The following DAB2IP variants were observed in gnomAD, a reference collection of about 807,000 sequenced individuals.
DAB2IP encodes the protein disabled homolog 2-interacting protein.
DAB2IP carries 28 observed loss-of-function variants against 107.2 expected under a neutral mutation model. That is an observed-to-expected ratio of 0.26 (90% CI 0.19 to 0.36). The LOEUF is 0.36. DAB2IP is among the 10% of genes least tolerant of loss of function. The pLI, the probability that DAB2IP is intolerant of heterozygous loss-of-function variation, is 1.00. For missense variants in DAB2IP, 1,400 were observed against 1,644.7 expected, an observed-to-expected ratio of 0.85 and a Z score of 2.57; for synonymous variants, 755 against 706.4, an observed-to-expected ratio of 1.07 and a Z score of -1.09.
At chr9:121,678,042 T>C (rs1828360026) in intron 1 of DAB2IP, among the ~76,000 whole-genome samples, 1 of 152,220 alleles carries the variant, frequency 6.6e-6, no homozygotes, top group Non-Finnish European at 1.5e-5. Flanking sequence ...AAGTGTACAA[T>C]TCAGTGGCAT....
intron 1 of DAB2IP, among the ~76,000 whole-genome samples, chr9:121,661,880 T>C (rs1277508587): frequency 6.6e-6 from 1 of 151,804 alleles, no homozygotes; most frequent in Non-Finnish European, 1.5e-5. Context: ...GTTTAAAAGG[T>C]TGAGGGTGGA....
At chr9:121,600,951 C>G (rs944204913) in intron 1 of DAB2IP, among the ~76,000 whole-genome samples, 1 of 152,184 alleles carries the variant, frequency 6.6e-6, no homozygotes, top group Non-Finnish European at 1.5e-5. Flanking sequence ...GAGCCAGCAT[C>G]CTTGTGCCTC....
intron 3 of DAB2IP, among the ~76,000 whole-genome samples, chr9:121,719,895 C>T (rs1013518679): frequency 1.3e-5 from 2 of 152,198 alleles, no homozygotes; most frequent in Non-Finnish European, 2.9e-5. Context: ...CCTCTCAGGG[C>T]AGGGGCCCTG....
chr9:121,669,532 C>T (rs1052179562), intron 1 of DAB2IP, among the ~76,000 whole-genome samples: 3 of 151,994 alleles, frequency 2.0e-5, no homozygotes, highest in Admixed American at 6.6e-5. Context: ...TGGGGGAGGT[C>T]GAAGGGAGTG....
At chr9:121,583,303 A>G (rs954659325) in intron 1 of DAB2IP, among the ~76,000 whole-genome samples, 1 of 152,184 alleles carries the variant, frequency 6.6e-6, no homozygotes, top group African/African-American at 2.4e-5. Context: ...AGGCAAGAGA[A>G]TTGCTTGAAC....
chr9:121,668,731 T>C (rs1833548821), intron 1 of DAB2IP, among the ~76,000 whole-genome samples: 1 of 152,164 alleles, frequency 6.6e-6, no homozygotes, highest in Non-Finnish European at 1.5e-5. Flanking sequence ...AGTCATCTGT[T>C]TCCATTCATA....
chr9:121,609,099 G>C (rs1033534632), intron 1 of DAB2IP, among the ~76,000 whole-genome samples: 2 of 152,150 alleles, frequency 1.3e-5, no homozygotes, highest in Non-Finnish European at 2.9e-5. Context: ...GTGCCATCAC[G>C]GCCAGCTATT....
chr9:121,784,607 T>C (rs901560624), exon 16 of DAB2IP: 1 of 154,878 alleles, frequency 6.5e-6, no homozygotes, highest in Non-Finnish European at 1.5e-5. Context: ...ATTTTGTAAA[T>C]GTTCTTGGTG....
In DAB2IP at chr9:121,776,075, C is replaced by A. The variant is rs942037507; in HGVS notation, c.3121-123C>A. On this transcript the variant is annotated intron_variant, in intron 13 of 15. Coordinates refer to ENST00000408936, the Ensembl canonical transcript of DAB2IP. This position sits in a 1 kb window ranked among gnomAD's most constrained non-coding sequence, Gnocchi z 5.4. ...GCATCTCCTTGCTATGTGAAGTGGG[C>A]GGGTCACAGCCACTGGGGCCTTTCA... 3 of 1,134,538 alleles carry A rather than the reference C, an allele frequency of 2.6e-6. No individual in the cohort carries two copies. The highest frequency in any genetic ancestry group is 1.6e-5 in the African/African-American group (1 of 63,668). 70.3% of individuals were successfully genotyped at this position (1,134,538 alleles called of 1,614,324 possible). A position where few individuals can be genotyped will look rare whatever the true frequency, so the allele number is the denominator to read the frequency against.
At position 121,691,997 on chromosome 9, in the gene DAB2IP, G is replaced by C. The variant is rs556411238; in HGVS notation, c.229-7328G>C. Among the ~76,000 whole-genome samples the C allele has an allele frequency of 2.3e-4, 35 of 152,316 alleles. No individual in the cohort carries two copies. The South Asian group carries it at 7.1e-3, about 31-fold the overall frequency. ...GAGAAGCAAACAAATTGTCCAAAGT[G>C]AAGCCCTGCGAGAAAAGCAGGGGGA... On this transcript the variant is annotated intron_variant, in intron 2 of 15. Coordinates refer to ENST00000408936, the Ensembl canonical transcript of DAB2IP.
At chr9:121,571,299 C>A (rs1359721096) in intron 1 of DAB2IP, among the ~76,000 whole-genome samples, 1 of 152,086 alleles carries the variant, frequency 6.6e-6, no homozygotes, top group Non-Finnish European at 1.5e-5. Flanking sequence ...AATCTGGATC[C>A]CCAGAGCATA....
chr9:121,661,607 G>A (rs746688193), intron 1 of DAB2IP, among the ~76,000 whole-genome samples: 3 of 152,140 alleles, frequency 2.0e-5, no homozygotes, highest in Non-Finnish European at 4.4e-5. Context: ...CTCTCTTCCA[G>A]AAGTTATGGA....
rs1212291109 is a variant in DAB2IP at position 121,782,650 on chromosome 9, C to T, written c.*152C>T. On this transcript the variant is annotated 3_prime_UTR_variant, in exon 16 of 16. Transcript: ENST00000408936. The surrounding 1 kb of genome is among the most constrained non-coding windows in gnomAD (Gnocchi z 6.1). ...TCCCTGCCGCTGTCCAGGAGGCGGC[C>T]GCAGAGGGAGCCACCAGAGACTGAA... is the stretch of plus-strand genomic sequence containing the variant. 2.5e-5 allele frequency: 37 copies of T among 1,459,908 alleles called. No homozygotes were observed. Among genetic ancestry groups the T allele is most frequent in the East Asian group, 9.8e-5 (4 of 40,854 alleles). 90.4% of individuals were successfully genotyped at this position (1,459,908 alleles called of 1,614,324 possible).
chr9:121,768,389 C>T (rs1399019694), intron 9 of DAB2IP, 43 bp from the exon 10 acceptor site: 3 of 1,608,998 alleles, frequency 1.9e-6, no homozygotes. Flanking sequence ...TGGGCAGGGC[C>T]TGCCTGGGCC....
At chr9:121,686,611 C>A (rs942683365) in intron 2 of DAB2IP, among the ~76,000 whole-genome samples, 3 of 152,130 alleles carry the variant, frequency 2.0e-5, no homozygotes, top group Non-Finnish European at 4.4e-5. Context: ...AGGGATAGTC[C>A]CCCCAACCCA....
At chr9:121,590,731 G>A (rs2118927706) in intron 1 of DAB2IP, among the ~76,000 whole-genome samples, 1 of 152,252 alleles carries the variant, frequency 6.6e-6, no homozygotes, top group East Asian at 1.9e-4. Context: ...GATGGAGGTG[G>A]GAAAGCAGAC....
At chr9:121,667,043 C>T (rs1342799213) in intron 1 of DAB2IP, among the ~76,000 whole-genome samples, 2 of 152,216 alleles carry the variant, frequency 1.3e-5, no homozygotes, top group African/African-American at 2.4e-5. Flanking sequence ...CAGAGTCTTG[C>T]TCTGTCACCC....
intron 3 of DAB2IP, among the ~76,000 whole-genome samples, chr9:121,704,961 G>A (rs1355173569): frequency 6.6e-6 from 1 of 152,218 alleles, no homozygotes; most frequent in Non-Finnish European, 1.5e-5. Context: ...GCACCTTTGG[G>A]GGCAGGGCTG....
intron 1 of DAB2IP, among the ~76,000 whole-genome samples, chr9:121,655,386 TG>T (rs5900493): frequency 0.2 from 30,370 of 152,186 alleles, 3,736 homozygotes; most frequent in South Asian, 0.31. Context: ...CCTCTAGCCC[TG>T]GATAAAGTTC....
Sources: allele counts gnomAD v4.1 joint callset (sites outside exome capture counted in the v4.1 genomes callset), GRCh38; gene constraint gnomAD v4.1.1; non-coding constraint Gnocchi (gnomAD v3.1); transcripts MANE v1.5; gene names NCBI Gene and HGNC (gene_info 2026-07-23, HGNC 2026-07-21).